SLC7A14: variants seen among roughly 807,000 people sequenced by gnomAD.
The protein encoded by SLC7A14 is gamma-aminobutyric acid transporter SLC7A14.
SLC7A14 carries 37 observed loss-of-function variants against 60.2 expected under a neutral mutation model. That is an observed-to-expected ratio of 0.61 (90% CI 0.47 to 0.81). The LOEUF (loss-of-function observed/expected upper bound fraction) is 0.81. Ranked by LOEUF, SLC7A14 falls within the 30% of genes least tolerant of loss-of-function variation. SLC7A14 has a pLI of 0.00. For synonymous variants in SLC7A14, 399 were observed against 395.8 expected, an observed-to-expected ratio of 1.01 and a Z score of -0.10; for missense variants, 886 against 982.7, an observed-to-expected ratio of 0.90 and a Z score of 1.32.
intron 1 of SLC7A14, among the ~76,000 whole-genome samples, chr3:170,536,492 A>G (rs1042118904): frequency 6.6e-6 from 1 of 152,254 alleles, no homozygotes; most frequent in Non-Finnish European, 1.5e-5. Context: ...TTAACTGCAT[A>G]CAAAAGTTAT....
chr3:170,578,524 G>A (rs532796201), intron 1 of SLC7A14, among the ~76,000 whole-genome samples: 1 of 152,300 alleles, frequency 6.6e-6, no homozygotes, highest in East Asian at 1.9e-4. Flanking sequence ...CTTGTTACCT[G>A]TGTCAAATTG....
At chr3:170,512,695 G>A (rs1051235822) in intron 2 of SLC7A14, among the ~76,000 whole-genome samples, 5 of 109,000 alleles carry the variant, frequency 4.6e-5, no homozygotes, top group East Asian at 2.9e-4. Context: ...ACGGAGTCTC[G>A]CTCTGTCGCC....
At chr3:170,481,746 A>G (rs1560252142) in intron 6 of SLC7A14, among the ~76,000 whole-genome samples, 1 of 152,116 alleles carries the variant, frequency 6.6e-6, no homozygotes, top group African/African-American at 2.4e-5. Flanking sequence ...GTTCCTAATC[A>G]TTATGTAATG....
intron 1 of SLC7A14, among the ~76,000 whole-genome samples, chr3:170,530,311 C>A (rs1312507767): frequency 6.6e-6 from 1 of 152,178 alleles, no homozygotes; most frequent in Non-Finnish European, 1.5e-5. Flanking sequence ...GCGGGTGTTG[C>A]ATCTGCTGGG....
intron 2 of SLC7A14, among the ~76,000 whole-genome samples, chr3:170,507,946 A>T (rs191682146): frequency 6.6e-6 from 1 of 152,312 alleles, no homozygotes; most frequent in East Asian, 1.9e-4. Flanking sequence ...AAGAGGTGTC[A>T]GTTGCTCATC....
intron 1 of SLC7A14, among the ~76,000 whole-genome samples, chr3:170,539,242 T>C (rs1267088217): frequency 6.6e-6 from 1 of 152,186 alleles, no homozygotes; most frequent in Non-Finnish European, 1.5e-5. Context: ...CTCAGGGCCT[T>C]TGCACTTGTT....
chr3:170,518,058 C>G (rs948183946), intron 2 of SLC7A14, among the ~76,000 whole-genome samples: 3 of 152,202 alleles, frequency 2.0e-5, no homozygotes, highest in African/African-American at 7.2e-5. Context: ...GATTTGAGTT[C>G]TGGCACGGCA....
At chr3:170,519,494 G>A (rs2108290266) in intron 2 of SLC7A14, among the ~76,000 whole-genome samples, 1 of 152,312 alleles carries the variant, frequency 6.6e-6, no homozygotes, top group African/African-American at 2.4e-5. Flanking sequence ...GGACAGAAAG[G>A]GGCCAGGCGC....
intron 5 of SLC7A14, among the ~76,000 whole-genome samples, chr3:170,484,548 C>A (rs1711956059): frequency 6.6e-6 from 1 of 152,208 alleles, no homozygotes; most frequent in Non-Finnish European, 1.5e-5. Context: ...CCTATGAAGG[C>A]CAAATTGACA....
intron 1 of SLC7A14, among the ~76,000 whole-genome samples, chr3:170,537,418 C>A (rs1288746455): frequency 6.6e-6 from 1 of 152,168 alleles, no homozygotes. Flanking sequence ...ACTTAATCAC[C>A]TCTGCAGAGT....
intron 3 of SLC7A14, among the ~76,000 whole-genome samples, chr3:170,499,470 A>G (rs541725013): frequency 6.6e-6 from 1 of 152,270 alleles, no homozygotes; most frequent in African/African-American, 2.4e-5. Flanking sequence ...ACCATGGCAC[A>G]GAACATTTGA....
chr3:170,483,207 T>C, intron 6 of SLC7A14, 107 bp downstream of exon 6: 1 of 1,308,096 alleles, frequency 7.6e-7, no homozygotes, highest in Non-Finnish European at 1.1e-6. Flanking sequence ...CCACAGTCCA[T>C]GTGAAAGGCA....
chr3:170,568,823 G>C (rs1173086321), intron 1 of SLC7A14, among the ~76,000 whole-genome samples: 4 of 152,126 alleles, frequency 2.6e-5, no homozygotes, highest in African/African-American at 9.7e-5. Flanking sequence ...TCTGTTATTG[G>C]TGTATAAGAA....
intron 2 of SLC7A14, among the ~76,000 whole-genome samples, chr3:170,524,833 G>A (rs180807231): frequency 2.0e-3 from 299 of 152,324 alleles, no homozygotes; most frequent in African/African-American, 7.0e-3. Context: ...GTGCTTATGA[G>A]AGGATAACTT....
Position 170,501,200 on chromosome 3 carries a change from T to G in SLC7A14, c.450A>C (p.Gly150=). ...CAAACATGCTGCTCAGAGCACTGGC[T>G]CCGGCCGCAGTGCCAATCAGGTACT... is the stretch of plus-strand genomic sequence containing the variant. ...ILEYLIGTAA[G]ASALSSMFDS... Residue 150 remains glycine, a synonymous_variant, in exon 3 of 8, where the codon GGA becomes GGC. Coordinates refer to ENST00000231706, the MANE Select transcript of SLC7A14 (RefSeq NM_020949.3). 1 of 1,614,196 alleles carries G rather than the reference T, an allele frequency of 6.2e-7. No individual in the cohort carries two copies. Among genetic ancestry groups the G allele is most frequent in the Non-Finnish European group, 8.5e-7 (1 of 1,180,036 alleles).
intron 1 of SLC7A14, among the ~76,000 whole-genome samples, chr3:170,575,783 G>A (rs1235935873): frequency 6.6e-6 from 1 of 152,170 alleles, no homozygotes; most frequent in Non-Finnish European, 1.5e-5. Flanking sequence ...AGGGAAAAGA[G>A]CATGGTAGGG....
At chr3:170,533,678 T>TGTGG (rs71300471) in intron 1 of SLC7A14, among the ~76,000 whole-genome samples, 7 of 147,496 alleles carry the variant, frequency 4.7e-5, no homozygotes, top group South Asian at 4.2e-4. Flanking sequence ...TGTGTGTGTG[T>TGTGG]GGTGTGTGTG....
chr3:170,481,332 T>TG (rs1475171885), intron 6 of SLC7A14, among the ~76,000 whole-genome samples, 166 bp from the exon 7 acceptor site: 1 of 152,054 alleles, frequency 6.6e-6, no homozygotes, highest in East Asian at 1.9e-4. Context: ...CAGCTGCTAT[T>TG]CCTACCCCAG....
In SLC7A14 at chr3:170,466,295, G is replaced by A. The variant is rs1163059222; in HGVS notation, c.*760C>T. ...CCAGGAGCTGCAGTCTGATATAAGA[G>A]AGGCCATGACAGAGAGTTAATTTCT... On this transcript the variant is annotated 3_prime_UTR_variant, in exon 8 of 8. Transcript: ENST00000231706. 3.3e-5 allele frequency: 5 copies of A among 152,164 alleles called. No individual in the cohort carries two copies. Among genetic ancestry groups the A allele is most frequent in the African/African-American group, 1.2e-4 (5 of 41,444 alleles). The allele number at this position is 152,164 out of a possible 1,614,324, so 9.4% of individuals were successfully genotyped here.
Sources: gnomAD v4.1 joint callset for allele counts (sites outside exome capture counted in the v4.1 genomes callset) on GRCh38, gnomAD v4.1.1 for gene constraint, MANE v1.5 for transcripts, NCBI Gene and HGNC (gene_info 2026-07-23, HGNC 2026-07-21) for gene names.